Variants in PRAG1 observed in about 807,000 individuals in gnomAD.
PRAG1 encodes the protein inactive tyrosine-protein kinase PRAG1.
Under a neutral mutation model 95.6 loss-of-function variants are expected in PRAG1, and 110 were observed. The observed-to-expected ratio is 1.15, with a 90% CI of 0.99 to 1.35. PRAG1 has a LOEUF of 1.35. Ranked by LOEUF, PRAG1 falls within the 40% of genes most tolerant of loss-of-function variation. The probability of loss-of-function intolerance (pLI) is 0.00; values close to 1 mark genes in which losing one functional copy is unlikely to be tolerated. For synonymous variants in PRAG1, 1,052 were observed against 819.4 expected (o/e 1.28, Z -4.85); for missense variants, 2,554 against 1,864.7 (o/e 1.37, Z -6.81).
At position 8,377,536 on chromosome 8, in the gene PRAG1, C is replaced by G. The variant is rs1800460123; in HGVS notation, c.873G>C (p.Gln291His). 3 of 1,590,030 alleles carry G rather than the reference C, an allele frequency of 1.9e-6. No individual in the cohort carries two copies. The highest frequency in any genetic ancestry group is 1.7e-5 in the Admixed American group (1 of 57,892). The change falls in exon 3 of 6, where the codon CAG becomes CAC. Residue 291 changes from glutamine to histidine, a missense_variant. Coordinates refer to ENST00000615670, the MANE Select transcript of PRAG1 (RefSeq NM_001080826.3). ...GRDCSPTCWE[Q>H]GKCSGPAEQE... The stretch of plus-strand genomic sequence containing the variant: ...GCTCTGCGGGCCCGGAACACTTCCC[C>G]TGCTCCCAGCACGTGGGTGAGCAGT...
intron 3 of PRAG1, among the ~76,000 whole-genome samples, chr8:8,365,720 T>C (rs1291120594): frequency 1.3e-5 from 2 of 151,986 alleles, no homozygotes; most frequent in East Asian, 3.9e-4. Flanking sequence ...CCCAGCACTT[T>C]GGGAGGCCAA....
chr8:8,324,551 TCTC>T (rs1798574691), intron 5 of PRAG1, among the ~76,000 whole-genome samples: 1 of 152,098 alleles, frequency 6.6e-6, no homozygotes, highest in Admixed American at 6.5e-5. Context: ...AGTGGCTTTT[TCTC>T]CATCTCCATC....
At chr8:8,323,176 T>C (rs150960810) in intron 5 of PRAG1, among the ~76,000 whole-genome samples, 2 of 152,298 alleles carry the variant, frequency 1.3e-5, no homozygotes, top group East Asian at 3.9e-4. Context: ...TTGGGTGATA[T>C]GGTTTGGCTG....
chr8:8,350,695 C>A (rs188726097), intron 3 of PRAG1, among the ~76,000 whole-genome samples: 2 of 152,166 alleles, frequency 1.3e-5, no homozygotes, highest in African/African-American at 2.4e-5. Context: ...TGGTGCTTCA[C>A]GGCCTGGGTT....
rs745376611 is a variant in PRAG1, at chr8:8,381,593, C to G, written c.155G>C (p.Gly52Ala). ...CAGGCGCGGTGGAGGGGGCAGGCTG[C>G]CCGCTCTGGGCTGGGGAGGGCCGGC... is the stretch of plus-strand genomic sequence containing the variant. Reference protein sequence around the residue: ...LVAGPPQPRAGSLPPPPRLPP... With the variant: ...LVAGPPQPRAASLPPPPRLPP... The change falls in exon 2 of 6, where the codon GGC (glycine) becomes GCC (alanine). Residue 52 changes from glycine to alanine, a missense_variant. Coordinates refer to ENST00000615670, the MANE Select transcript of PRAG1 (RefSeq NM_001080826.3). The G allele has an allele frequency of 6.2e-7, 1 of 1,614,070 alleles. No homozygotes were observed. Among genetic ancestry groups the G allele is most frequent in the Non-Finnish European group, 8.5e-7 (1 of 1,179,968 alleles).
chr8:8,347,625 G>A (rs1203853941), intron 3 of PRAG1, among the ~76,000 whole-genome samples: 1 of 152,062 alleles, frequency 6.6e-6, no homozygotes, highest in African/African-American at 2.4e-5. Flanking sequence ...TACCTGCAGT[G>A]GATCTTCCTC....
intron 4 of PRAG1, among the ~76,000 whole-genome samples, chr8:8,329,222 G>A (rs970434876): frequency 6.6e-6 from 1 of 151,994 alleles, no homozygotes; most frequent in Admixed American, 6.6e-5. Context: ...GTGAAATCCC[G>A]TATCTACTAA....
intron 1 of PRAG1, 69 bp from the exon 2 acceptor site, chr8:8,381,903 A>C (rs1800688231): frequency 1.7e-6 from 1 of 591,484 alleles, no homozygotes; most frequent in African/African-American, 1.9e-5. Flanking sequence ...TATCAATTAG[A>C]GTCTCACTAT....
At chr8:8,344,572 A>T (rs1391806678) in intron 3 of PRAG1, among the ~76,000 whole-genome samples, 4 of 152,226 alleles carry the variant, frequency 2.6e-5, no homozygotes, top group Non-Finnish European at 5.9e-5. Flanking sequence ...TTTTATTTTT[A>T]AAAAATCTAA....
chr8:8,364,806 A>G (rs572651010), intron 3 of PRAG1, among the ~76,000 whole-genome samples: 4 of 152,258 alleles, frequency 2.6e-5, no homozygotes, highest in African/African-American at 7.2e-5. Context: ...ATGAATGTCA[A>G]GATGGAATCT....
At chr8:8,372,066 G>A (rs547107913) in intron 3 of PRAG1, among the ~76,000 whole-genome samples, 5 of 152,278 alleles carry the variant, frequency 3.3e-5, no homozygotes, top group African/African-American at 1.2e-4. Context: ...ACGCTTATCT[G>A]CACTAACCAG....
At chr8:8,367,301 T>C (rs1159938510) in intron 3 of PRAG1, among the ~76,000 whole-genome samples, 4 of 151,182 alleles carry the variant, frequency 2.6e-5, no homozygotes, top group South Asian at 2.1e-4. Context: ...CTACTAATAA[T>C]ACAAAAATCA....
At chr8:8,347,412 C>A (rs1429194121) in intron 3 of PRAG1, among the ~76,000 whole-genome samples, 1 of 152,248 alleles carries the variant, frequency 6.6e-6, no homozygotes, top group African/African-American at 2.4e-5. Flanking sequence ...ACGGCTCTGC[C>A]TCTCTGACCT....
intron 3 of PRAG1, among the ~76,000 whole-genome samples, chr8:8,360,898 G>C (rs1799824694): frequency 6.6e-6 from 1 of 152,252 alleles, no homozygotes; most frequent in Non-Finnish European, 1.5e-5. Context: ...TTCCTGAGCA[G>C]GGAATTTGTA....
chr8:8,335,758 C>T (rs1336535402), intron 4 of PRAG1, among the ~76,000 whole-genome samples: 2 of 152,136 alleles, frequency 1.3e-5, no homozygotes, highest in Non-Finnish European at 2.9e-5. Context: ...CACTCGCTGC[C>T]TTCTGACCAG....
intron 3 of PRAG1, among the ~76,000 whole-genome samples, chr8:8,342,200 T>C (rs759881116): frequency 4.0e-5 from 6 of 151,496 alleles, no homozygotes; most frequent in Non-Finnish European, 7.4e-5. Flanking sequence ...ATGTAATTTT[T>C]TTTTTTTTTT....
In PRAG1 at chr8:8,377,620, G is replaced by T. The variant is rs749871337; in HGVS notation, c.789C>A (p.Ser263Arg). 2.5e-6 allele frequency: 4 copies of T among 1,613,300 alleles called. No homozygotes were observed. The South Asian group carries it at 4.4e-5, about 18-fold the overall frequency. Reference protein sequence around the residue: ...YCSILDCCPGSPVAKAASQTA... With the variant: ...YCSILDCCPGRPVAKAASQTA... ...TCTGGGAGGCAGCCTTGGCAACAGG[G>T]CTCCCAGGGCAGCAGTCCAGGATGG... The change falls in exon 3 of 6, where the codon AGC becomes AGA. Residue 263 changes from serine (S) to arginine (R), a missense_variant. Ser to Arg is a moderately radical substitution (Grantham distance 110). Coordinates refer to ENST00000615670, the MANE Select transcript of PRAG1 (RefSeq NM_001080826.3).
At chr8:8,369,574 A>G (rs1800125224) in intron 3 of PRAG1, among the ~76,000 whole-genome samples, 1 of 152,216 alleles carries the variant, frequency 6.6e-6, no homozygotes, top group African/African-American at 2.4e-5. Flanking sequence ...ACAACTGCCC[A>G]TTTAACAAAC....
chr8:8,324,423 G>T (rs538838913), intron 5 of PRAG1, among the ~76,000 whole-genome samples: 1 of 152,338 alleles, frequency 6.6e-6, no homozygotes, highest in Non-Finnish European at 1.5e-5. Flanking sequence ...CTTCCTCAAA[G>T]GCCAGCAACG....
Sources: allele counts gnomAD v4.1 joint callset (sites outside exome capture counted in the v4.1 genomes callset), GRCh38; gene constraint gnomAD v4.1.1; transcripts MANE v1.5; gene names NCBI Gene and HGNC (gene_info 2026-07-23, HGNC 2026-07-21).